The following DRAM1 variants were observed in gnomAD, a reference collection of about 807,000 sequenced individuals.
DRAM1 encodes the protein DNA damage regulated autophagy modulator 1.
DRAM1 carries 25 observed loss-of-function variants against 28.5 expected under a neutral mutation model. The observed-to-expected ratio is 0.88, with a 90% CI of 0.64 to 1.23. DRAM1 has a LOEUF of 1.23. Ranked by LOEUF, DRAM1 falls within the 50% of genes most tolerant of loss-of-function variation. DRAM1 has a pLI of 0.00. For synonymous variants in DRAM1, 113 were observed against 114.2 expected, an observed-to-expected ratio of 0.99 and a Z score of 0.07; for missense variants, 249 against 299.2, an observed-to-expected ratio of 0.83 and a Z score of 1.24.
chr12:101,908,813 G>T (rs1429964300), intron 4 of DRAM1, among the ~76,000 whole-genome samples: 3 of 151,136 alleles, frequency 2.0e-5, no homozygotes, highest in Admixed American at 6.6e-5. Flanking sequence ...GAAGTTTCAG[G>T]GGCTTGACTA....
At position 101,877,876 on chromosome 12, in the gene DRAM1, C is replaced by T. The variant is rs200239979; in HGVS notation, c.87C>T (p.Val29=). Residue 29 remains valine (V), a synonymous_variant, in exon 1 of 7, where the codon GTC becomes GTT. Coordinates refer to ENST00000258534, the MANE Select transcript of DRAM1 (RefSeq NM_018370.3). The surrounding 1 kb of genome is among the most constrained non-coding windows in gnomAD (Gnocchi z 4.1). The part of the protein sequence containing the change: ...SSAAFIISYV[V]AVLSGHVNPF... ...CCGCCTTCATTATCTCCTACGTGGTCGCCGTGCTCTCCGGGCACGTCAACC... is the reference window on the plus strand; with the variant it reads ...CCGCCTTCATTATCTCCTACGTGGTTGCCGTGCTCTCCGGGCACGTCAACC... The T allele has an allele frequency of 3.0e-4, 471 of 1,544,404 alleles. 7 individuals are homozygous for T. The East Asian group carries it at 0.011, about 37-fold the overall frequency.
At chr12:101,910,790 CTTATTA>C in intron 4 of DRAM1, among the ~76,000 whole-genome samples, 1 of 151,812 alleles carries the variant, frequency 6.6e-6, no homozygotes, top group African/African-American at 2.4e-5. Context: ...CTAGGAAGTT[CTTATTA>C]TAAGTCATGC....
intron 3 of DRAM1, among the ~76,000 whole-genome samples, chr12:101,904,693 G>A (rs967106524): frequency 1.3e-4 from 20 of 151,664 alleles, no homozygotes; most frequent in Non-Finnish European, 2.4e-4. Context: ...CACCTGCCTC[G>A]GCCTCCCAAA....
chr12:101,896,735 C>T (rs1566124531), intron 1 of DRAM1, among the ~76,000 whole-genome samples: 1 of 151,936 alleles, frequency 6.6e-6, no homozygotes, highest in African/African-American at 2.4e-5. Context: ...CCCTAGATAC[C>T]CTATTATTTC....
At chr12:101,886,162 C>T (rs1865301540) in intron 1 of DRAM1, among the ~76,000 whole-genome samples, 1 of 152,074 alleles carries the variant, frequency 6.6e-6, no homozygotes, top group Admixed American at 6.6e-5. Context: ...ATTTGCGGTC[C>T]CAGTTTGTGG....
At chr12:101,908,457 C>A in intron 4 of DRAM1, 94 bp downstream of exon 4, 1 of 1,295,266 alleles carries the variant, frequency 7.7e-7, no homozygotes, top group Non-Finnish European at 1.1e-6. Flanking sequence ...GGGACCGCTG[C>A]AATGAGTTCT....
At position 101,880,039 on chromosome 12, in the gene DRAM1, T is replaced by TTTTG. The variant is rs556517963; in HGVS notation, c.131+2139_131+2142dup. ...GCTGCTCTACCTGCAGTGCTGCTTC[T>TTTTG]TTTGTTTGTTTGTTTGTTTGTTTTT... On this transcript the variant is annotated intron_variant, in intron 1 of 6. Coordinates refer to ENST00000258534, the MANE Select transcript of DRAM1 (RefSeq NM_018370.3). Among the ~76,000 whole-genome samples the TTTTG allele has an allele frequency of 4.9e-4, 75 of 151,606 alleles. 1 individual carries two copies. Among genetic ancestry groups the TTTTG allele is most frequent in the African/African-American group, 1.7e-3 (71 of 41,372 alleles).
At chr12:101,880,753 G>C (rs572172436) in intron 1 of DRAM1, among the ~76,000 whole-genome samples, 1 of 152,300 alleles carries the variant, frequency 6.6e-6, no homozygotes, top group South Asian at 2.1e-4. Flanking sequence ...AGGTGAACTT[G>C]AAATGGGAGA....
chr12:101,903,952 C>T (rs1873696090), intron 3 of DRAM1, among the ~76,000 whole-genome samples: 1 of 147,972 alleles, frequency 6.8e-6, no homozygotes, highest in Admixed American at 6.6e-5. Flanking sequence ...CACACACACA[C>T]ACACACACAC....
rs990144968 is a variant in DRAM1, at chr12:101,922,082, A to G, written c.*822A>G. ...GACTCAGAACTGAAGCTCACATCTC[A>G]AATTCATTTCATGCCAGTAAATGTG... is the stretch of plus-strand genomic sequence containing the variant. On this transcript the variant is annotated 3_prime_UTR_variant, in exon 7 of 7. Transcript: ENST00000258534. The G allele has an allele frequency of 6.6e-6, 1 of 152,186 alleles. No homozygotes were observed. The highest frequency in any genetic ancestry group is 1.5e-5 in the Non-Finnish European group (1 of 68,050). 9.4% of individuals were successfully genotyped at this position (152,186 alleles called of 1,614,324 possible).
chr12:101,914,254 A>G (rs753648410), intron 5 of DRAM1, 22 bp downstream of exon 5: 8 of 1,597,128 alleles, frequency 5.0e-6, no homozygotes, highest in Non-Finnish European at 6.8e-6. Context: ...GTTGTTGTGA[A>G]TGTGGTTGTC....
chr12:101,905,360 C>T (rs1054290032), intron 3 of DRAM1, among the ~76,000 whole-genome samples: 1 of 152,130 alleles, frequency 6.6e-6, no homozygotes, highest in African/African-American at 2.4e-5. Context: ...TGGCTCACTG[C>T]AATCTCTGCC....
chr12:101,883,460 C>T (rs1439674959), intron 1 of DRAM1, among the ~76,000 whole-genome samples: 4 of 151,266 alleles, frequency 2.6e-5, no homozygotes, highest in Non-Finnish European at 5.9e-5. Flanking sequence ...ATTACAGGCA[C>T]GTGCCACCAC....
chr12:101,893,219 C>T (rs1873205175), intron 1 of DRAM1, among the ~76,000 whole-genome samples: 1 of 152,246 alleles, frequency 6.6e-6, no homozygotes, highest in African/African-American at 2.4e-5. Flanking sequence ...CCGTGGTGTG[C>T]TGGAGCTAGC....
intron 3 of DRAM1, among the ~76,000 whole-genome samples, chr12:101,907,484 T>C (rs1442622094): frequency 2.6e-5 from 4 of 152,096 alleles, no homozygotes; most frequent in African/African-American, 9.7e-5. Flanking sequence ...CTCACGCCTG[T>C]AATCCCAGCA....
intron 4 of DRAM1, among the ~76,000 whole-genome samples, chr12:101,913,705 C>CAAAAAA (rs60536139): frequency 1.0e-4 from 5 of 50,166 alleles, no homozygotes; most frequent in South Asian, 7.3e-4. Context: ...GAGTACGTCT[C>CAAAAAA]AAAAAAAAAA....
chr12:101,884,933 G>GTTTT (rs779895150), intron 1 of DRAM1, among the ~76,000 whole-genome samples: 1 of 134,430 alleles, frequency 7.4e-6, no homozygotes. Context: ...TAGAGAAAAT[G>GTTTT]TTTTTTTTTT....
intron 3 of DRAM1, 148 bp from the exon 4 acceptor site, chr12:101,908,038 T>G: frequency 1.5e-6 from 1 of 685,896 alleles, no homozygotes; most frequent in Non-Finnish European, 2.4e-6. Context: ...CTGGAGGGCT[T>G]TTCTTTTGGT....
intron 3 of DRAM1, among the ~76,000 whole-genome samples, chr12:101,904,315 A>T (rs1873713582): frequency 6.6e-6 from 1 of 151,700 alleles, no homozygotes; most frequent in African/African-American, 2.4e-5. Context: ...GTCAATTAAA[A>T]ATAAAAACTT....
Sources: gnomAD v4.1 joint callset for allele counts (sites outside exome capture counted in the v4.1 genomes callset) on GRCh38, gnomAD v4.1.1 for gene constraint, Gnocchi (gnomAD v3.1) non-coding constraint, MANE v1.5 for transcripts, NCBI Gene and HGNC (gene_info 2026-07-23, HGNC 2026-07-21) for gene names.